The following C2 variants were observed in gnomAD, a reference collection of about 807,000 sequenced individuals.
C2 encodes the protein C3/C5 convertase.
In C2, 64 loss-of-function variants were observed where a neutral mutation model predicts 85.2. The ratio of observed to expected loss-of-function variants is 0.75; its 90% CI spans 0.61 to 0.92. C2 has a LOEUF of 0.92. Ranked by LOEUF, C2 falls within the 40% of genes least tolerant of loss-of-function variation. The pLI is 0.00. For synonymous variants in C2, 311 were observed against 370.8 expected (o/e 0.84, Z 1.85); for missense variants, 820 against 971.6 (o/e 0.84, Z 2.07).
chr6:31,933,693 C>T lies in C2; in HGVS notation c.526C>T (p.Arg176Cys), dbSNP rs143664003. Residue 176 changes from arginine (R) to cysteine (C), a missense_variant, in exon 4 of 18, where the codon CGC (arginine) becomes TGC (cysteine). By Grantham distance (180) the Arg-to-Cys change is radical. Transcript: ENST00000299367. ...TGGTCATGGGGACAAGGTCCGCTAT[C>T]GCTGCTCCTCGAATCTTGTGCTCAC... ...RFGHGDKVRYRCSSNLVLTGS... is the reference protein window; with the variant it reads ...RFGHGDKVRYCCSSNLVLTGS... 8.7e-6 allele frequency: 14 copies of T among 1,613,080 alleles called. No individual in the cohort carries two copies. In the African/African-American group the frequency reaches 1.3e-4, roughly 15 times the overall value.
chr6:31,936,889 T>A (rs1770463426), intron 7 of C2: 1 of 216,304 alleles, frequency 4.6e-6, no homozygotes, highest in Non-Finnish European at 9.4e-6. Context: ...GAATGGCAAA[T>A]GTCTGAGTTT....
chr6:31,931,622 T>C (rs1769757694), intron 3 of C2, among the ~76,000 whole-genome samples: 1 of 152,108 alleles, frequency 6.6e-6, no homozygotes, highest in African/African-American at 2.4e-5. Context: ...GAAGAATTTT[T>C]CTTAGTACAG....
intron 9 of C2, among the ~76,000 whole-genome samples, chr6:31,940,224 G>T (rs1329648198): frequency 2.0e-5 from 3 of 152,182 alleles, no homozygotes; most frequent in African/African-American, 7.2e-5. Context: ...AGCTGACAGG[G>T]GAAGATGCTC....
Position 31,934,292 on chromosome 6 carries a change from TG to T in C2, c.844del (p.Asp282ThrfsTer10). The T allele has an allele frequency of 6.3e-7, 1 of 1,593,974 alleles. No individual in the cohort carries two copies. Among genetic ancestry groups the T allele is most frequent in the Non-Finnish European group, 8.6e-7 (1 of 1,162,538 alleles). Reference protein sequence around the residue: ...LIFKESASLMVDRIFSFEINV... With the variant: ...LIFKESASLMXDRIFSFEINV... ...TTCAAGGAGAGCGCCTCCCTCATGG[TG>T]GACAGGGTCAGGAATCAGGAGTCTG... On this transcript the variant is annotated frameshift_variant, in exon 6 of 18. Transcript: ENST00000299367. LOFTEE classifies it high-confidence loss of function.
At chr6:31,900,661 C>G, upstream of C2, 1 of 1,612,746 alleles carries the variant, frequency 6.2e-7, no homozygotes, top group Admixed American at 1.7e-5. The surrounding 1 kb of genome is among the most constrained non-coding windows in gnomAD (Gnocchi z 9.7). Flanking sequence ...CCTCCAGGGC[C>G]GACTCCACCT....
intron 1 of C2, among the ~76,000 whole-genome samples, chr6:31,902,986 C>T (rs1767467601): frequency 6.6e-6 from 1 of 152,192 alleles, no homozygotes; most frequent in South Asian, 2.1e-4. Flanking sequence ...CTAAACAAAA[C>T]TTCCCTTCAA....
At chr6:31,907,987 C>T (rs1280957452) in intron 1 of C2, among the ~76,000 whole-genome samples, 5 of 151,392 alleles carry the variant, frequency 3.3e-5, no homozygotes, top group African/African-American at 9.7e-5. Flanking sequence ...GCTAGGATTA[C>T]GGACGTCTGC....
upstream of C2, among the ~76,000 whole-genome samples, chr6:31,924,588 T>C (rs1159256749): frequency 1.3e-5 from 2 of 152,208 alleles, no homozygotes; most frequent in Non-Finnish European, 2.9e-5. Flanking sequence ...GAATGAATTC[T>C]GCCACACTGT....
intron 3 of C2, 41 bp from the exon 4 acceptor site, chr6:31,933,569 G>A: frequency 6.2e-7 from 1 of 1,608,538 alleles, no homozygotes; most frequent in South Asian, 1.1e-5. Context: ...AGCCTGATGG[G>A]AGGGGGCTAC....
At chr6:31,931,985 G>C (rs9267686) in intron 3 of C2, among the ~76,000 whole-genome samples, 1 of 121,864 alleles carries the variant, frequency 8.2e-6, no homozygotes, top group Non-Finnish European at 1.7e-5. Flanking sequence ...CTGGCCGGGC[G>C]GGGGGCTGAC....
chr6:31,899,776 T>C (rs1434296993), upstream of C2: 5 of 802,348 alleles, frequency 6.2e-6, no homozygotes, highest in African/African-American at 8.6e-5. Context: ...CAAGGAATCA[T>C]CTTCCCTCTC....
In C2 at chr6:31,943,081, G is replaced by C. The variant is rs764711714; in HGVS notation, c.1342G>C (p.Val448Leu). Residue 448 changes from valine (V) to leucine (L), a missense_variant, in exon 10 of 18, where the codon GTC becomes CTC. Physicochemically the swap from Val to Leu is conservative, Grantham distance 32. Coordinates refer to ENST00000299367, the MANE Select transcript of C2 (RefSeq NM_000063.6). The surrounding 1 kb of genome is among the most constrained non-coding windows in gnomAD (Gnocchi z 6.4). ...ILQDTKALHQ[V>L]FEHMLDVSKL... is the part of the protein sequence containing the mutation. The stretch of plus-strand genomic sequence containing the variant: ...GCAGGACACAAAGGCTCTGCACCAG[G>C]TCTTTGAACATATGCTGGGTGAGTG... 3.9e-5 allele frequency: 63 copies of C among 1,612,964 alleles called. No homozygotes were observed. The highest frequency in any genetic ancestry group is 5.0e-5 in the Non-Finnish European group (59 of 1,180,038).
At position 31,904,428 on chromosome 6, in the gene C2, C is replaced by T. The variant is rs1444828939; in HGVS notation, c.73+3289C>T. On this transcript the variant is annotated intron_variant, in intron 1 of 3. Coordinates refer to the C2 transcript ENST00000452202. The surrounding 1 kb of genome is among the most constrained non-coding windows in gnomAD (Gnocchi z 4.4). ...TCCCAGGTTCAAGTGATTCTCCTGC[C>T]TCAACCTCCCAAGTAGCTGGGATTA... 1.3e-5 allele frequency among the ~76,000 whole-genome samples: 2 copies of T among 151,992 alleles called. No individual in the cohort carries two copies. The highest frequency in any genetic ancestry group is 2.9e-5 in the Non-Finnish European group (2 of 68,024).
chr6:31,909,533 C>T (rs963784428), intron 1 of C2, among the ~76,000 whole-genome samples: 5 of 151,804 alleles, frequency 3.3e-5, no homozygotes, highest in Admixed American at 6.6e-5. Flanking sequence ...TCAAGGGATC[C>T]GCCTGCCTTG....
Position 31,912,717 on chromosome 6 carries a change from G to A in C2, c.73+11578G>A, listed in dbSNP as rs1432180487. On this transcript the variant is annotated intron_variant, in intron 1 of 3. Coordinates refer to the C2 transcript ENST00000452202. The stretch of plus-strand genomic sequence containing the variant: ...TTAACCAGGGTGATGGTGTGTGCCT[G>A]TAATCCCAGCTACTCAGGAGGCTGA... 1.3e-5 allele frequency among the ~76,000 whole-genome samples: 2 copies of A among 151,998 alleles called. 1 individual carries two copies.
chr6:31,917,637 G>A (rs1319657377), upstream of C2, among the ~76,000 whole-genome samples: 1 of 152,172 alleles, frequency 6.6e-6, no homozygotes, highest in Non-Finnish European at 1.5e-5. Context: ...CAGGCGCGGT[G>A]GCTCATGCCT....
chr6:31,939,299 CA>C lies in C2; in HGVS notation c.1199del (p.Gln400ArgfsTer24). On this transcript the variant is annotated frameshift_variant, in exon 9 of 18. Coordinates refer to ENST00000299367, the MANE Select transcript of C2 (RefSeq NM_000063.6). LOFTEE classifies it high-confidence loss of function. ...DHIREILNINQKRNDYLDIYA... is the reference protein window; with the variant it reads ...DHIREILNINXKRNDYLDIYA... ...TATCAGAGAGATCCTGAACATCAAC[CA>C]GAAGAGGAATGACTATCTGGGTGAG... is the stretch of plus-strand genomic sequence containing the variant. 1 of 1,612,316 alleles carries C rather than the reference CA, an allele frequency of 6.2e-7. No individual in the cohort carries two copies. The highest frequency in any genetic ancestry group is 8.5e-7 in the Non-Finnish European group (1 of 1,179,758).
At chr6:31,901,215 G>T (rs145104876) in intron 1 of C2, 1 of 1,613,338 alleles carries the variant, frequency 6.2e-7, no homozygotes, top group African/African-American at 1.3e-5. Flanking sequence ...TCGCAGAACC[G>T]CTCCTCTGCC....
chr6:31,936,312 A>C (rs1007903370), intron 7 of C2: 1 of 522,186 alleles, frequency 1.9e-6, no homozygotes, highest in Non-Finnish European at 3.5e-6. Flanking sequence ...AGTTGCCAAA[A>C]CCACACTGTC....
Sources: gnomAD v4.1 joint callset for allele counts (sites outside exome capture counted in the v4.1 genomes callset) on GRCh38, gnomAD v4.1.1 for gene constraint, Gnocchi (gnomAD v3.1) non-coding constraint, MANE v1.5 for transcripts, NCBI Gene and HGNC (gene_info 2026-07-23, HGNC 2026-07-21) for gene names.